COL19A1: variants seen among roughly 807,000 people sequenced by gnomAD.
COL19A1 encodes the protein collagen type XIX alpha 1 chain, also known as collagen alpha-1(XIX) chain.
COL19A1 carries 159 observed loss-of-function variants against 190.2 expected under a neutral mutation model. The ratio of observed to expected loss-of-function variants is 0.84; its 90% CI spans 0.73 to 0.95. The LOEUF (loss-of-function observed/expected upper bound fraction) is 0.95, where lower values mean the gene tolerates loss of function less well. COL19A1 is among the 40% of genes least tolerant of loss of function. COL19A1 has a pLI of 0.00. For synonymous variants in COL19A1, 509 were observed against 458.9 expected (o/e 1.11, Z -1.39); for missense variants, 1,418 against 1,431.9 (o/e 0.99, Z 0.16).
intron 11 of COL19A1, among the ~76,000 whole-genome samples, 187 bp downstream of exon 11, chr6:69,963,057 A>G (rs1448843806): frequency 6.6e-6 from 1 of 152,160 alleles, no homozygotes; most frequent in East Asian, 1.9e-4. Flanking sequence ...ATCTTTCAAA[A>G]CTTATTTGGA....
intron 49 of COL19A1, among the ~76,000 whole-genome samples, chr6:70,202,368 A>C (rs936129316): frequency 2.6e-5 from 4 of 152,214 alleles, no homozygotes; most frequent in Non-Finnish European, 5.9e-5. Context: ...GTAACTTTTG[A>C]ACTTTAAATA....
chr6:69,890,615 T>A, intron 2 of COL19A1: 1 of 152,228 alleles, frequency 6.6e-6, no homozygotes, highest in Non-Finnish European at 1.5e-5. Context: ...AAACAATAAA[T>A]AATTTTTTAG....
chr6:70,136,198 A>G (rs553563898), intron 18 of COL19A1, among the ~76,000 whole-genome samples: 172 of 152,224 alleles, frequency 1.1e-3, no homozygotes, highest in Non-Finnish European at 2.0e-3. Context: ...GAAAATCACA[A>G]GACATGGATT....
At chr6:69,949,436 T>C (rs918255213) in intron 9 of COL19A1, among the ~76,000 whole-genome samples, 11 of 151,862 alleles carry the variant, frequency 7.2e-5, no homozygotes, top group African/African-American at 2.2e-4. Context: ...TTACCACTTA[T>C]TGAAAATAAT....
At chr6:70,005,399 G>A (rs1218199280) in intron 11 of COL19A1, among the ~76,000 whole-genome samples, 2 of 151,934 alleles carry the variant, frequency 1.3e-5, no homozygotes, top group Non-Finnish European at 2.9e-5. Flanking sequence ...TTCTTTCAAT[G>A]GTCAGGTACC....
chr6:70,161,761 A>G, intron 34 of COL19A1, 139 bp from the exon 35 acceptor site: 2 of 556,936 alleles, frequency 3.6e-6, no homozygotes, highest in Admixed American at 3.9e-5. Context: ...TTAAAAAAGT[A>G]TATTTGTATA....
chr6:69,903,924 C>A lies in COL19A1; in HGVS notation c.266+3586C>A, dbSNP rs369681727. Among the ~76,000 whole-genome samples, 5 of 152,288 alleles carry A rather than the reference C, an allele frequency of 3.3e-5. No individual in the cohort carries two copies. In the East Asian group the frequency reaches 7.7e-4, roughly 24 times the overall value. Reference sequence around the variant, plus strand: ...AGAGAATCAGAGGTTAACATAACATCATTAATAAGATCATGACACATGGTG... The same window carrying A: ...AGAGAATCAGAGGTTAACATAACATAATTAATAAGATCATGACACATGGTG... On this transcript the variant is annotated intron_variant, in intron 4 of 50. Coordinates refer to ENST00000620364, the MANE Select transcript of COL19A1 (RefSeq NM_001858.6).
intron 14 of COL19A1, among the ~76,000 whole-genome samples, chr6:70,051,631 A>C (rs1780207410): frequency 6.6e-6 from 1 of 152,110 alleles, no homozygotes; most frequent in Non-Finnish European, 1.5e-5. Flanking sequence ...TTGCGGCATA[A>C]ACATCCTTTA....
intron 11 of COL19A1, among the ~76,000 whole-genome samples, chr6:69,974,876 G>A (rs763823034): frequency 1.4e-5 from 2 of 144,064 alleles, no homozygotes; most frequent in African/African-American, 2.7e-5. Context: ...GCAGTGGAGC[G>A]ATCTAGGCTC....
chr6:70,043,594 C>T (rs1779746476), intron 14 of COL19A1, among the ~76,000 whole-genome samples: 1 of 152,210 alleles, frequency 6.6e-6, no homozygotes, highest in African/African-American at 2.4e-5. Context: ...AAACGACATT[C>T]GTCTCCTTGT....
In COL19A1 at chr6:70,146,710, A is replaced by G. The variant is rs1786673523; in HGVS notation, c.1815+7A>G. The G allele has an allele frequency of 6.2e-7, 1 of 1,605,428 alleles. No homozygotes were observed. Reference sequence around the variant, plus strand: ...TGGTCCACGTGGGCCAAAGGTATACAAATATTATAGTTAATTTTTAAGGAA... The same window carrying G: ...TGGTCCACGTGGGCCAAAGGTATACGAATATTATAGTTAATTTTTAAGGAA... On this transcript the variant is annotated splice_region_variant and intron_variant, in intron 26 of 50. Coordinates refer to ENST00000620364, the MANE Select transcript of COL19A1 (RefSeq NM_001858.6).
chr6:69,921,975 GGATATCTTA>G (rs1771994589), intron 4 of COL19A1, among the ~76,000 whole-genome samples: 1 of 151,956 alleles, frequency 6.6e-6, no homozygotes, highest in African/African-American at 2.4e-5. Context: ...ATTCAAGCAT[GGATATCTTA>G]GACATAGCAA....
At chr6:69,906,501 C>G (rs1770557261) in intron 4 of COL19A1, among the ~76,000 whole-genome samples, 1 of 151,938 alleles carries the variant, frequency 6.6e-6, no homozygotes, top group Non-Finnish European at 1.5e-5. Flanking sequence ...ATATCTATAG[C>G]CTCTCTGAAT....
chr6:70,165,055 T>C (rs998337420), intron 36 of COL19A1, among the ~76,000 whole-genome samples: 2 of 152,190 alleles, frequency 1.3e-5, no homozygotes, highest in African/African-American at 4.8e-5. Context: ...AATTTTACTC[T>C]ATCTGAATTC....
intron 1 of COL19A1, among the ~76,000 whole-genome samples, chr6:69,876,533 C>T (rs1768141312): frequency 6.6e-6 from 1 of 152,214 alleles, no homozygotes; most frequent in African/African-American, 2.4e-5. Flanking sequence ...AGTTAAGGCC[C>T]TATATAATAC....
At chr6:69,902,433 A>G (rs1029132394) in intron 4 of COL19A1, among the ~76,000 whole-genome samples, 20 of 152,132 alleles carry the variant, frequency 1.3e-4, no homozygotes, top group Non-Finnish European at 2.1e-4. Context: ...GGCATATTCA[A>G]TGCCTTGAGC....
At chr6:70,025,716 A>G (rs1398246777) in intron 12 of COL19A1, among the ~76,000 whole-genome samples, 4 of 152,268 alleles carry the variant, frequency 2.6e-5, no homozygotes, top group Non-Finnish European at 5.9e-5. Context: ...TACTTAGCAC[A>G]TGTTTGGGGT....
Position 70,207,344 on chromosome 6 carries a change from C to A in COL19A1, c.*70C>A. On this transcript the variant is annotated 3_prime_UTR_variant, in exon 51 of 51. Coordinates refer to ENST00000620364, the MANE Select transcript of COL19A1 (RefSeq NM_001858.6). ...CTGGAGCTCTCTTAATACCGTCAAA[C>A]CCTCATCATCTGTGGGTTGCTTTTT... 5 of 1,186,012 alleles carry A rather than the reference C, an allele frequency of 4.2e-6. No homozygotes were observed. The highest frequency in any genetic ancestry group is 1.6e-5 in the African/African-American group (1 of 63,222). The allele number at this position is 1,186,012 out of a possible 1,614,324, so 73.5% of individuals were successfully genotyped here.
At chr6:70,029,779 A>G (rs150906115) in intron 12 of COL19A1, among the ~76,000 whole-genome samples, 7 of 152,326 alleles carry the variant, frequency 4.6e-5, no homozygotes, top group African/African-American at 1.7e-4. Context: ...ATTTTATCCT[A>G]TGTGAGTTAA....
Sources: gnomAD v4.1 joint callset for allele counts (sites outside exome capture counted in the v4.1 genomes callset) on GRCh38, gnomAD v4.1.1 for gene constraint, MANE v1.5 for transcripts, NCBI Gene and HGNC (gene_info 2026-07-23, HGNC 2026-07-21) for gene names.